SHOC1: variants seen among roughly 807,000 people sequenced by gnomAD.
SHOC1 encodes the protein shortage in chiasmata 1.
A neutral mutation model predicts 179.2 loss-of-function variants in SHOC1; 136 were observed. The ratio of observed to expected loss-of-function variants is 0.76; its 90% CI spans 0.66 to 0.87. The LOEUF is 0.87. SHOC1 is among the 40% of genes least tolerant of loss of function. The pLI, the probability that SHOC1 is intolerant of heterozygous loss-of-function variation, is 0.00. For missense variants in SHOC1, 1,538 were observed against 1,700.8 expected (o/e 0.90, Z 1.68); for synonymous variants, 489 against 586.6 (o/e 0.83, Z 2.41).
intron 8 of SHOC1, among the ~76,000 whole-genome samples, chr9:111,750,803 C>T (rs1834543025): frequency 6.6e-6 from 1 of 152,216 alleles, no homozygotes; most frequent in South Asian, 2.1e-4. Context: ...TGTCTCTTCA[C>T]TCTGATGATA....
Position 111,766,334 on chromosome 9 carries a change from T to C in SHOC1, c.443-7486A>G, listed in dbSNP as rs561883613. ...TTAGGTTGATTACATATCTGGCTAT[T>C]GTGAATAGAGCTGCAATAAACATGG... On this transcript the variant is annotated intron_variant, in intron 5 of 27. Coordinates refer to ENST00000682961, the MANE Select transcript of SHOC1 (RefSeq NM_001378211.1). Among the ~76,000 whole-genome samples, 3 of 152,250 alleles carry C rather than the reference T, an allele frequency of 2.0e-5. No homozygotes were observed. In the East Asian group the frequency reaches 5.8e-4, roughly 29 times the overall value.
chr9:111,714,515 T>G lies in SHOC1; in HGVS notation c.2345A>C (p.Glu782Ala). The G allele has an allele frequency of 6.2e-7, 1 of 1,614,026 alleles. No homozygotes were observed. Among genetic ancestry groups the G allele is most frequent in the Non-Finnish European group, 8.5e-7 (1 of 1,179,944 alleles). The change falls in exon 17 of 28, where the codon GAA (glutamate) becomes GCA (alanine). Residue 782 changes from glutamate (E) to alanine (A), a missense_variant. Coordinates refer to ENST00000682961, the MANE Select transcript of SHOC1 (RefSeq NM_001378211.1). Reference sequence around the variant, plus strand: ...CAATTCTTGTATCTTGTAGTTGGTTTCAGGCTTTTTCCCCCTAATAAACTG... The same window carrying G: ...CAATTCTTGTATCTTGTAGTTGGTTGCAGGCTTTTTCCCCCTAATAAACTG... ...IVQFIRGKKP[E>A]TNYKIQELQC... is the part of the protein sequence containing the mutation.
In SHOC1 at chr9:111,775,839, G is replaced by A. The variant is rs980126754; in HGVS notation, c.394C>T (p.Pro132Ser). 6.2e-7 allele frequency: 1 copy of A among 1,612,764 alleles called. No individual in the cohort carries two copies. Residue 132 changes from proline to serine, a missense_variant, in exon 5 of 28, where the codon CCT becomes TCT. By Grantham distance (74) the Pro-to-Ser change is moderately conservative. Transcript: ENST00000682961. ...GAACATTTTTCTAAACAACTGACAG[G>A]GGTAAAGACTTCATTGTAGTCCATG... is the stretch of plus-strand genomic sequence containing the variant. Reference protein sequence around the residue: ...THMDYNEVFTPVSCLEKCSAL... With the variant: ...THMDYNEVFTSVSCLEKCSAL...
intron 16 of SHOC1, among the ~76,000 whole-genome samples, chr9:111,716,381 C>CT (rs34548781): frequency 0.023 from 1,564 of 67,792 alleles, 161 homozygotes; most frequent in African/African-American, 0.079. Context: ...TCTTTTCTCC[C>CT]TTTTTTTTTT....
Position 111,785,944 on chromosome 9 carries a change from G to A in SHOC1, c.137C>T (p.Thr46Ile). ...CCATGGCCTCCTAAATTTATTATCA[G>A]TAACTGCTACATGGTAACTTTCATC... ...YQDESYHVAV[T>I]DNKFRRPWTR... The change falls in exon 3 of 28, where the codon ACT (threonine) becomes ATT (isoleucine). Residue 46 changes from threonine (T) to isoleucine (I), a missense_variant. By Grantham distance (89) the Thr-to-Ile change is moderately conservative. Transcript: ENST00000682961. The A allele has an allele frequency of 1.3e-6, 2 of 1,505,620 alleles. No homozygotes were observed. The highest frequency in any genetic ancestry group is 1.8e-6 in the Non-Finnish European group (2 of 1,128,594). 93.3% of individuals were successfully genotyped at this position (1,505,620 alleles called of 1,614,324 possible).
In SHOC1 at chr9:111,717,117, A is replaced by G. The variant is rs187892212; in HGVS notation, c.2236+1067T>C. ...CCACTGCTTTAGAGGGAGTACATTT[A>G]TGATTCACTGCTGTTCAATATTTAC... is the stretch of plus-strand genomic sequence containing the variant. On this transcript the variant is annotated intron_variant, in intron 16 of 27. Transcript: ENST00000682961. Among the ~76,000 whole-genome samples, 427 of 152,356 alleles carry G rather than the reference A, an allele frequency of 2.8e-3. 1 individual carries two copies. The highest frequency in any genetic ancestry group is 5.0e-3 in the Non-Finnish European group (337 of 68,034).
chr9:111,725,386 G>T (rs910851208), intron 13 of SHOC1, among the ~76,000 whole-genome samples: 1 of 152,170 alleles, frequency 6.6e-6, no homozygotes, highest in Non-Finnish European at 1.5e-5. Context: ...TAAAGGCTAA[G>T]TTGGGGAATA....
intron 17 of SHOC1, among the ~76,000 whole-genome samples, chr9:111,713,562 A>G (rs1832648044): frequency 6.6e-6 from 1 of 152,178 alleles, no homozygotes; most frequent in South Asian, 2.1e-4. Flanking sequence ...GGGAGAGCAA[A>G]TCAGTTTCGA....
intron 24 of SHOC1, among the ~76,000 whole-genome samples, chr9:111,697,422 A>G (rs1831750904): frequency 6.6e-6 from 1 of 151,970 alleles, no homozygotes; most frequent in African/African-American, 2.4e-5. Context: ...ATTCCCACCT[A>G]TGAGTGAGAA....
At chr9:111,788,119 T>A (rs1443708369) in intron 2 of SHOC1, among the ~76,000 whole-genome samples, 1 of 139,524 alleles carries the variant, frequency 7.2e-6, no homozygotes, top group East Asian at 2.2e-4. Context: ...CAGGCTGGAG[T>A]GCAGTGGCGT....
chr9:111,706,567 C>A lies in SHOC1; in HGVS notation c.2737+1G>T. The A allele has an allele frequency of 6.7e-7, 1 of 1,496,064 alleles. No individual in the cohort carries two copies. The highest frequency in any genetic ancestry group is 2.5e-5 in the East Asian group (1 of 40,488). 92.7% of individuals were successfully genotyped at this position (1,496,064 alleles called of 1,614,324 possible). A position where few individuals can be genotyped will look rare whatever the true frequency, so the allele number is the denominator to read the frequency against. On this transcript the variant is annotated splice_donor_variant, in intron 20 of 27. Transcript: ENST00000682961. LOFTEE classifies it high-confidence loss of function. ...AAAAGGATTTTGGCTTATATTCTTA[C>A]TTTCTAAAACTGTGTCTGGAAGAAT...
intron 4 of SHOC1, among the ~76,000 whole-genome samples, chr9:111,780,083 C>A (rs1316712157): frequency 6.6e-6 from 1 of 152,104 alleles, no homozygotes; most frequent in Non-Finnish European, 1.5e-5. Flanking sequence ...CCATTTAATT[C>A]TTGCATTGTT....
In SHOC1 at chr9:111,727,923, G is replaced by GA; in HGVS notation, c.1543dup (p.Ser515PhefsTer2). ...TCCTTTATCAGAGAAATAGTCATCA[G>GA]AAAAACATAGATCTGGTACTTCTTT... On this transcript the variant is annotated frameshift_variant, in exon 13 of 28. Coordinates refer to ENST00000682961, the MANE Select transcript of SHOC1 (RefSeq NM_001378211.1). LOFTEE classifies it high-confidence loss of function. 1 of 1,613,394 alleles carries GA rather than the reference G, an allele frequency of 6.2e-7. No individual in the cohort carries two copies. Among genetic ancestry groups the GA allele is most frequent in the Non-Finnish European group, 8.5e-7 (1 of 1,179,708 alleles).
Position 111,738,466 on chromosome 9 carries a change from A to T in SHOC1, c.1231T>A (p.Phe411Ile). The change falls in exon 12 of 28, where the codon TTT becomes ATT. Residue 411 changes from phenylalanine to isoleucine, a missense_variant. By Grantham distance (21) the Phe-to-Ile change is conservative. Transcript: ENST00000682961. ...ACAAGGCTTTCTTCTTTAACAGAAA[A>T]TATCTTTTTCAAATCTGTAACTGAA... ...QYSVTDLKKI[F>I]SVKEESLVIN... 6.2e-7 allele frequency: 1 copy of T among 1,604,342 alleles called. No individual in the cohort carries two copies. The highest frequency in any genetic ancestry group is 8.5e-7 in the Non-Finnish European group (1 of 1,177,396).
chr9:111,775,071 C>T (rs1162986058), intron 5 of SHOC1, among the ~76,000 whole-genome samples: 1 of 152,074 alleles, frequency 6.6e-6, no homozygotes, highest in Admixed American at 6.6e-5. Flanking sequence ...TCTCGGTTCA[C>T]TGTAACCTCC....
At chr9:111,728,916 T>A (rs1833431713) in intron 12 of SHOC1, among the ~76,000 whole-genome samples, 1 of 152,146 alleles carries the variant, frequency 6.6e-6, no homozygotes, top group Non-Finnish European at 1.5e-5. Flanking sequence ...TTAAGGTGAG[T>A]CACACAAATG....
intron 20 of SHOC1, 89 bp from the exon 21 acceptor site, chr9:111,705,453 T>A: frequency 1.9e-6 from 1 of 527,786 alleles, no homozygotes; most frequent in Non-Finnish European, 3.3e-6. Flanking sequence ...TGAGGATAAG[T>A]AGGAGTAGTA....
chr9:111,770,372 G>C (rs1386631965), intron 5 of SHOC1, among the ~76,000 whole-genome samples: 1 of 151,886 alleles, frequency 6.6e-6, no homozygotes, highest in Non-Finnish European at 1.5e-5. Context: ...TTTCATTGTG[G>C]TCAGAAAAGC....
At chr9:111,770,002 T>TTTTTG in intron 5 of SHOC1, among the ~76,000 whole-genome samples, 1 of 138,188 alleles carries the variant, frequency 7.2e-6, no homozygotes, top group Non-Finnish European at 1.6e-5. Context: ...TTTTTTTTTT[T>TTTTTG]TTTTTTAGTC....
Sources: allele counts gnomAD v4.1 joint callset (sites outside exome capture counted in the v4.1 genomes callset), GRCh38; gene constraint gnomAD v4.1.1; transcripts MANE v1.5; gene names NCBI Gene and HGNC (gene_info 2026-07-23, HGNC 2026-07-21).